Variants in CACNA1B observed in about 807,000 individuals in gnomAD.
The protein encoded by CACNA1B is calcium voltage-gated channel subunit alpha1 B, also known as voltage-dependent N-type calcium channel subunit alpha-1B.
In CACNA1B, 70 loss-of-function variants were observed where a neutral mutation model predicts 247.2. That is an observed-to-expected ratio of 0.28 (90% CI 0.23 to 0.35). CACNA1B has a LOEUF of 0.35. Among genes scored for constraint, CACNA1B ranks in the 10% least tolerant of loss-of-function variants. The probability of loss-of-function intolerance (pLI) is 1.00; values close to 1 mark genes in which losing one functional copy is unlikely to be tolerated. For missense variants in CACNA1B, 2,367 were observed against 3,197.4 expected, an observed-to-expected ratio of 0.74 and a Z score of 6.26; for synonymous variants, 1,231 against 1,294.4, an observed-to-expected ratio of 0.95 and a Z score of 1.05.
intron 6 of CACNA1B, among the ~76,000 whole-genome samples, chr9:137,942,143 A>G (rs1283351292): frequency 6.6e-6 from 1 of 152,148 alleles, no homozygotes; most frequent in Non-Finnish European, 1.5e-5. Flanking sequence ...AAGAAAAAAA[A>G]TCCCATCAAA....
intron 18 of CACNA1B, among the ~76,000 whole-genome samples, chr9:138,016,645 C>G (rs113501142): frequency 6.6e-6 from 1 of 151,576 alleles, no homozygotes; most frequent in Non-Finnish European, 1.5e-5. Context: ...TGCCCCATCT[C>G]GAGGGCCGGG....
intron 19 of CACNA1B, among the ~76,000 whole-genome samples, chr9:138,024,068 C>T (rs1173705919): frequency 6.6e-6 from 1 of 152,206 alleles, no homozygotes. Flanking sequence ...GTTTGTGCTC[C>T]GTGAATGCCA....
chr9:138,089,274 G>A (rs1161153562), intron 36 of CACNA1B, among the ~76,000 whole-genome samples: 1 of 152,132 alleles, frequency 6.6e-6, no homozygotes, highest in African/African-American at 2.4e-5. Context: ...ATAGTATTTT[G>A]TAGTAATTAG....
In CACNA1B at chr9:138,057,025, T is replaced by A. The variant is rs1293357309; in HGVS notation, c.3969-707T>A. ...ATCTCGGCTCACTGCAGGCTCCACC[T>A]CCCGGGTTCACGCCATTCTCCTGCC... On this transcript the variant is annotated intron_variant, in intron 26 of 46. Transcript: ENST00000371372. The surrounding 1 kb of genome is among the most constrained non-coding windows in gnomAD (Gnocchi z 4.0). 7.4e-6 allele frequency among the ~76,000 whole-genome samples: 1 copy of A among 135,472 alleles called. No homozygotes were observed. Among genetic ancestry groups the A allele is most frequent in the Admixed American group, 8.0e-5 (1 of 12,496 alleles). 88.9% of individuals were successfully genotyped at this position (135,472 alleles called of 152,430 possible).
chr9:138,059,283 G>A lies in CACNA1B; in HGVS notation c.4584+94G>A. ...TTTGGGGGCTCACAATTTGGAGCTG[G>A]GAATTCTCCGAGTACCCAGAGTATA... On this transcript the variant is annotated intron_variant, in intron 30 of 46. Transcript: ENST00000371372. This position sits in a 1 kb window ranked among gnomAD's most constrained non-coding sequence, Gnocchi z 4.2. 1 of 726,210 alleles carries A rather than the reference G, an allele frequency of 1.4e-6. No homozygotes were observed. Among genetic ancestry groups the A allele is most frequent in the Non-Finnish European group, 2.5e-6 (1 of 402,310 alleles). The allele number at this position is 726,210 out of a possible 1,614,324, so 45.0% of individuals were successfully genotyped here.
intron 36 of CACNA1B, among the ~76,000 whole-genome samples, chr9:138,084,127 C>T (rs1040853380): frequency 1.3e-5 from 2 of 151,064 alleles, no homozygotes; most frequent in Non-Finnish European, 2.9e-5. Context: ...TAGGGAATGG[C>T]TTAGAATCAG....
intron 6 of CACNA1B, among the ~76,000 whole-genome samples, chr9:137,951,648 G>T (rs1053960697): frequency 6.6e-6 from 1 of 152,224 alleles, no homozygotes; most frequent in Non-Finnish European, 1.5e-5. Context: ...TCAAAGGAGC[G>T]CACCCTTTTG....
In CACNA1B at chr9:138,024,978, C is replaced by A; in HGVS notation, c.3092C>A (p.Thr1031Asn). Residue 1031 changes from threonine (T) to asparagine (N), a missense_variant, in exon 20 of 47, where the codon ACC (threonine) becomes AAC (asparagine). By Grantham distance (65) the Thr-to-Asn change is moderately conservative (BLOSUM62 0). Around this residue, in one of 12 missense-constraint regions of CACNA1B, gnomAD observed 631 missense variants for 631.1 expected, o/e 1.00. Coordinates refer to ENST00000371372, the MANE Select transcript of CACNA1B (RefSeq NM_000718.4). ...AGGGAGCCACACTGTGACCTGGAGACCAGTGGGACTGTGACTGTGGGTCCC... is the reference window on the plus strand; with the variant it reads ...AGGGAGCCACACTGTGACCTGGAGAACAGTGGGACTGTGACTGTGGGTCCC... ...QPREPHCDLE[T>N]SGTVTVGPMH... 6.3e-7 allele frequency: 1 copy of A among 1,585,156 alleles called. No individual in the cohort carries two copies. Among genetic ancestry groups the A allele is most frequent in the Non-Finnish European group, 8.6e-7 (1 of 1,165,670 alleles).
At chr9:138,021,333 C>G (rs1958842676) in intron 18 of CACNA1B, among the ~76,000 whole-genome samples, 1 of 152,238 alleles carries the variant, frequency 6.6e-6, no homozygotes, top group South Asian at 2.1e-4. Context: ...CACCCAAGCT[C>G]CCAGGTGAGA....
Position 137,978,509 on chromosome 9 carries a change from C to T in CACNA1B, c.1656+2490C>T, listed in dbSNP as rs143642344. ...GGAGTGCCCTCCCATGAAGGAGTGA[C>T]AGGTGGGAGCACTGCCTCCTCAGGA... On this transcript the variant is annotated intron_variant, in intron 12 of 46. Transcript: ENST00000371372. Among the ~76,000 whole-genome samples, 714 of 151,756 alleles carry T rather than the reference C, an allele frequency of 4.7e-3. 2 individuals are homozygous for T. The highest frequency in any genetic ancestry group is 7.2e-3 in the Non-Finnish European group (490 of 67,832).
intron 36 of CACNA1B, among the ~76,000 whole-genome samples, chr9:138,092,292 G>A (rs755732101): frequency 5.3e-5 from 8 of 152,316 alleles, no homozygotes; most frequent in Admixed American, 6.5e-5. Context: ...ATCCCTGGTC[G>A]TCAACCACAT....
chr9:137,935,032 G>A (rs1350478498), intron 6 of CACNA1B, among the ~76,000 whole-genome samples: 3 of 152,234 alleles, frequency 2.0e-5, no homozygotes, highest in African/African-American at 7.2e-5. Context: ...AAGCTAATCA[G>A]AAGGCACCAG....
rs1207366398 is a variant in CACNA1B, at chr9:137,954,972, G to A, written c.1071-726G>A. Among the ~76,000 whole-genome samples the A allele has an allele frequency of 3.9e-5, 6 of 151,934 alleles. No homozygotes were observed. The highest frequency in any genetic ancestry group is 1.5e-5 in the Non-Finnish European group (1 of 67,980). Reference sequence around the variant, plus strand: ...GCCTTAAAGCTTGGCCAGGAGGCTGGGGCTGGGCTGGGGATGCTGAGCTGG... The same window carrying A: ...GCCTTAAAGCTTGGCCAGGAGGCTGAGGCTGGGCTGGGGATGCTGAGCTGG... On this transcript the variant is annotated intron_variant, in intron 7 of 46. Transcript: ENST00000371372. This position sits in a 1 kb window ranked among gnomAD's most constrained non-coding sequence, Gnocchi z 4.1.
In CACNA1B at chr9:137,882,702, G is replaced by T; in HGVS notation, c.391-42G>T. Reference sequence around the variant, plus strand: ...AACCGTCTCTGCCCGCTACTACACCGGGTAGGGGCCAGGGGTGACCACTGT... The same window carrying T: ...AACCGTCTCTGCCCGCTACTACACCTGGTAGGGGCCAGGGGTGACCACTGT... On this transcript the variant is annotated intron_variant, in intron 2 of 46. Coordinates refer to ENST00000371372, the MANE Select transcript of CACNA1B (RefSeq NM_000718.4). This position sits in a 1 kb window ranked among gnomAD's most constrained non-coding sequence, Gnocchi z 4.0. The T allele has an allele frequency of 1.9e-6, 3 of 1,611,974 alleles. No individual in the cohort carries two copies. Among genetic ancestry groups the T allele is most frequent in the Non-Finnish European group, 2.5e-6 (3 of 1,178,374 alleles).
chr9:138,049,015 G>A (rs1479757151), intron 23 of CACNA1B, among the ~76,000 whole-genome samples, 194 bp from the exon 24 acceptor site: 1 of 152,168 alleles, frequency 6.6e-6, no homozygotes, highest in Non-Finnish European at 1.5e-5. Flanking sequence ...ACCATGTCTG[G>A]CCATGTTTTA....
intron 31 of CACNA1B, among the ~76,000 whole-genome samples, chr9:138,061,119 G>A (rs1307714435): frequency 6.6e-6 from 1 of 152,238 alleles, no homozygotes; most frequent in Non-Finnish European, 1.5e-5. Context: ...ATGGAGAAAG[G>A]CCCAGTGAAG....
intron 3 of CACNA1B, among the ~76,000 whole-genome samples, chr9:137,884,764 G>A (rs1246252679): frequency 2.0e-5 from 3 of 152,050 alleles, no homozygotes; most frequent in African/African-American, 7.2e-5. Context: ...GAGTGTGTCG[G>A]CCCTTGAGGG....
rs753528720 is a variant in CACNA1B at position 137,956,794 on chromosome 9, G to A, written c.1210G>A (p.Asp404Asn). 2 of 1,613,884 alleles carry A rather than the reference G, an allele frequency of 1.2e-6. No individual in the cohort carries two copies. Among genetic ancestry groups the A allele is most frequent in the East Asian group, 4.5e-5 (2 of 44,880 alleles). The change falls in exon 9 of 47, where the codon GAC (aspartate) becomes AAC (asparagine). Residue 404 changes from aspartate (D) to asparagine (N), a missense_variant. Transcript: ENST00000371372. Reference sequence around the variant, plus strand: ...AGAGGAAGTCATGCTGGCCGAGGAGGACAGGAATGCAGAGGAGAAGTCCCC... The same window carrying A: ...AGAGGAAGTCATGCTGGCCGAGGAGAACAGGAATGCAGAGGAGAAGTCCCC... ...KAEEVMLAEE[D>N]RNAEEKSPLD... is the part of the protein sequence containing the mutation.
intron 11 of CACNA1B, among the ~76,000 whole-genome samples, chr9:137,972,768 G>T (rs147383418): frequency 6.6e-6 from 1 of 152,176 alleles, no homozygotes; most frequent in African/African-American, 2.4e-5. Flanking sequence ...TGAAATCTAC[G>T]ACTTCCGAAC....
Sources: gnomAD v4.1 joint callset for allele counts (sites outside exome capture counted in the v4.1 genomes callset) on GRCh38, gnomAD v4.1.1 for gene constraint, gnomAD v4.1.1 regional missense constraint, Gnocchi (gnomAD v3.1) non-coding constraint, MANE v1.5 for transcripts, NCBI Gene and HGNC (gene_info 2026-07-23, HGNC 2026-07-21) for gene names.